FGD4: variants seen among roughly 807,000 people sequenced by gnomAD.
FGD4 encodes the protein FYVE, RhoGEF and PH domain-containing protein 4.
A neutral mutation model predicts 102.0 loss-of-function variants in FGD4; 42 were observed. The observed-to-expected ratio is 0.41, with a 90% confidence interval of 0.32 to 0.53. The LOEUF (loss-of-function observed/expected upper bound fraction) is 0.53. Among genes scored for constraint, FGD4 ranks in the 20% least tolerant of loss-of-function variants. The pLI, the probability that FGD4 is intolerant of heterozygous loss-of-function variation, is 0.21. For synonymous variants in FGD4, 380 were observed against 375.7 expected (o/e 1.01, Z -0.13); for missense variants, 902 against 1,078.2 (o/e 0.84, Z 2.29).
chr12:32,510,187 G>C (rs929220884), intron 1 of FGD4, among the ~76,000 whole-genome samples: 2 of 152,152 alleles, frequency 1.3e-5, no homozygotes, highest in Non-Finnish European at 2.9e-5. Context: ...CATCATATCA[G>C]GTGTTTTAGT....
chr12:32,400,502 T>C (rs887960320), intron 1 of FGD4, among the ~76,000 whole-genome samples: 1 of 152,234 alleles, frequency 6.6e-6, no homozygotes, highest in Non-Finnish European at 1.5e-5. Context: ...TCATTATTGC[T>C]GTTTTCATGT....
intron 3 of FGD4, 47 bp downstream of exon 3, chr12:32,576,496 G>A (rs768347955): frequency 1.2e-6 from 2 of 1,601,344 alleles, no homozygotes; most frequent in Non-Finnish European, 1.7e-6. Context: ...GAAGAAAGCT[G>A]ATTTTCGAAA....
chr12:32,445,075 A>C lies in FGD4; in HGVS notation c.166+45116A>C, dbSNP rs76630575. On this transcript the variant is annotated intron_variant, in intron 1 of 16. Transcript: ENST00000534526. ...ATGGAGACTTTTGGGTGTGTGCCAA[A>C]AGTGATGAATTAACCGTGAAAGAAT... Among the ~76,000 whole-genome samples, 98 of 152,286 alleles carry C rather than the reference A, an allele frequency of 6.4e-4. No homozygotes were observed. In the East Asian group the frequency reaches 0.017, roughly 26 times the overall value.
intron 1 of FGD4, among the ~76,000 whole-genome samples, chr12:32,550,420 A>G (rs1943555678): frequency 6.6e-6 from 1 of 152,134 alleles, no homozygotes; most frequent in South Asian, 2.1e-4. Flanking sequence ...CTGTAATCCC[A>G]TCACTTTGGG....
At chr12:32,523,174 T>C (rs990951506) in intron 1 of FGD4, among the ~76,000 whole-genome samples, 1 of 152,112 alleles carries the variant, frequency 6.6e-6, no homozygotes, top group Non-Finnish European at 1.5e-5. Context: ...CAGTGGAGTA[T>C]CTATCATAGA....
chr12:32,535,775 C>G (rs60964600), intron 1 of FGD4, among the ~76,000 whole-genome samples: 2,041 of 152,252 alleles, frequency 0.013, 54 homozygotes, highest in African/African-American at 0.046. Flanking sequence ...ATTGGAGAGA[C>G]AGTATTCCCT....
intron 1 of FGD4, among the ~76,000 whole-genome samples, chr12:32,477,667 CACT>C (rs1206066631): frequency 1.3e-5 from 2 of 152,144 alleles, no homozygotes; most frequent in African/African-American, 4.8e-5. Flanking sequence ...TTGTCTTATA[CACT>C]ACTAAGTGTA....
chr12:32,581,975 T>C lies in FGD4; in HGVS notation c.519T>C (p.Tyr173=), dbSNP rs913683948. ...TATCTTTTAGCTCATTATCAAATTA[T>C]AGTGATTTGAAGAAAGAGTCTGCTG... is the stretch of plus-strand genomic sequence containing the variant. The part of the protein sequence containing the change: ...RFEGGSSLSN[Y]SDLKKESAVN... The change falls in exon 4 of 17, where the codon TAT becomes TAC. Residue 173 remains tyrosine, a synonymous_variant. Coordinates refer to ENST00000534526, the MANE Select transcript of FGD4 (RefSeq NM_001370298.3). The C allele has an allele frequency of 1.2e-6, 2 of 1,614,092 alleles. No homozygotes were observed. The highest frequency in any genetic ancestry group is 1.7e-6 in the Non-Finnish European group (2 of 1,179,958).
intron 1 of FGD4, among the ~76,000 whole-genome samples, chr12:32,531,688 G>C (rs139235871): frequency 1.3e-5 from 2 of 152,122 alleles, no homozygotes; most frequent in East Asian, 3.9e-4. Context: ...AGAACAAGTG[G>C]GTATTTCTAG....
intron 14 of FGD4, among the ~76,000 whole-genome samples, chr12:32,629,880 T>G (rs1006625518): frequency 6.6e-6 from 1 of 152,248 alleles, no homozygotes; most frequent in Non-Finnish European, 1.5e-5. Flanking sequence ...TTTCAAAGAT[T>G]CCAAATCTGT....
chr12:32,484,603 C>T (rs1178019642), intron 1 of FGD4, among the ~76,000 whole-genome samples: 1 of 152,136 alleles, frequency 6.6e-6, no homozygotes, highest in Non-Finnish European at 1.5e-5. Flanking sequence ...TGGGTGCAGT[C>T]ACTCATGCCT....
intron 8 of FGD4, 112 bp from the exon 9 acceptor site, chr12:32,610,664 A>G (rs1184220409): frequency 3.1e-5 from 28 of 916,214 alleles, no homozygotes; most frequent in Non-Finnish European, 4.4e-5. Flanking sequence ...AAATGCCACT[A>G]TTTTTGTTGT....
intron 1 of FGD4, among the ~76,000 whole-genome samples, chr12:32,438,191 C>A (rs1348969209): frequency 6.6e-6 from 1 of 152,178 alleles, no homozygotes; most frequent in Non-Finnish European, 1.5e-5. Context: ...CGCGTCTGGC[C>A]AGGAATGGTT....
intron 1 of FGD4, among the ~76,000 whole-genome samples, chr12:32,517,872 T>G (rs1438734696): frequency 6.6e-6 from 1 of 151,950 alleles, no homozygotes; most frequent in Non-Finnish European, 1.5e-5. Context: ...GGTGACAGAG[T>G]GAGACCCTGT....
chr12:32,402,588 A>T (rs542055795), intron 1 of FGD4, among the ~76,000 whole-genome samples: 1 of 138,176 alleles, frequency 7.2e-6, no homozygotes, highest in South Asian at 2.4e-4. Context: ...AGATGGGACT[A>T]CAGGCACACA....
chr12:32,428,380 G>A (rs1024685763), intron 1 of FGD4, among the ~76,000 whole-genome samples: 1 of 152,176 alleles, frequency 6.6e-6, no homozygotes, highest in Non-Finnish European at 1.5e-5. Flanking sequence ...TAAGAATGTT[G>A]AATGTTGGTC....
chr12:32,481,989 C>T (rs1227058200), intron 1 of FGD4, among the ~76,000 whole-genome samples: 2 of 152,124 alleles, frequency 1.3e-5, no homozygotes, highest in Admixed American at 6.5e-5. Flanking sequence ...ATAAAACCCT[C>T]TATAGTAGTG....
In FGD4 at chr12:32,549,202, C is replaced by A. The variant is rs146364648; in HGVS notation, c.167-14935C>A. Among the ~76,000 whole-genome samples the A allele has an allele frequency of 1.4e-3, 219 of 152,264 alleles. 1 individual carries two copies. Among genetic ancestry groups the A allele is most frequent in the African/African-American group, 5.1e-3 (212 of 41,552 alleles). On this transcript the variant is annotated intron_variant, in intron 1 of 16. Coordinates refer to ENST00000534526, the MANE Select transcript of FGD4 (RefSeq NM_001370298.3). ...TACAAGATGAAGCTTTAAAATTGGG[C>A]AAATAACAGATATTTCATACAGAAT...
intron 1 of FGD4, among the ~76,000 whole-genome samples, chr12:32,412,005 G>C (rs1229983624): frequency 6.6e-6 from 1 of 152,110 alleles, no homozygotes; most frequent in Non-Finnish European, 1.5e-5. Context: ...TAGAGAAAAA[G>C]CATACAGATT....
Sources: allele counts gnomAD v4.1 joint callset (sites outside exome capture counted in the v4.1 genomes callset), GRCh38; gene constraint gnomAD v4.1.1; transcripts MANE v1.5; gene names NCBI Gene and HGNC (gene_info 2026-07-23, HGNC 2026-07-21).